The following FBXO31 variants were observed in gnomAD, a reference collection of about 807,000 sequenced individuals.
FBXO31 encodes the protein F-box protein 31.
A neutral mutation model predicts 54.4 loss-of-function variants in FBXO31; 24 were observed. That is an observed-to-expected ratio of 0.44 (90% CI 0.32 to 0.62). The LOEUF is 0.62. Ranked by LOEUF, FBXO31 falls within the 20% of genes least tolerant of loss-of-function variation. FBXO31 has a pLI of 0.05. For synonymous variants in FBXO31, 388 were observed against 335.6 expected, an observed-to-expected ratio of 1.16 and a Z score of -1.71; for missense variants, 665 against 787.1, an observed-to-expected ratio of 0.84 and a Z score of 1.86.
At chr16:87,374,664 C>T (rs531238914) in intron 1 of FBXO31, among the ~76,000 whole-genome samples, 63 of 152,292 alleles carry the variant, frequency 4.1e-4, no homozygotes, top group African/African-American at 1.5e-3. Context: ...TTACCATTCA[C>T]GGAGAAAACG....
intron 1 of FBXO31, among the ~76,000 whole-genome samples, chr16:87,363,684 G>T (rs1906235237): frequency 6.6e-6 from 1 of 152,186 alleles, no homozygotes; most frequent in African/African-American, 2.4e-5. Flanking sequence ...AGTGCTACGG[G>T]GAAATCAAAG....
At chr16:87,383,897 AC>A (rs898865962), upstream of FBXO31, 133 of 477,166 alleles carry the variant, frequency 2.8e-4, 1 homozygote, top group Admixed American at 3.8e-4. This position sits in a 1 kb window ranked among gnomAD's most constrained non-coding sequence, Gnocchi z 4.9. Flanking sequence ...CGGCCGCGCC[AC>A]CCCCTCCCCG....
chr16:87,371,160 TATCAAAC>T (rs1228823135), intron 1 of FBXO31, among the ~76,000 whole-genome samples: 2 of 152,216 alleles, frequency 1.3e-5, no homozygotes, highest in East Asian at 1.9e-4. Context: ...AGGCATCTCC[TATCAAAC>T]ATCAGAGTAT....
chr16:87,348,504 G>T (rs957433123), intron 2 of FBXO31, among the ~76,000 whole-genome samples: 1 of 152,194 alleles, frequency 6.6e-6, no homozygotes, highest in Non-Finnish European at 1.5e-5. Context: ...GAGGGTAGCA[G>T]CTGATCTGGG....
At chr16:87,384,663 G>T (rs1597383374), upstream of FBXO31, among the ~76,000 whole-genome samples, 2 of 152,244 alleles carry the variant, frequency 1.3e-5, no homozygotes, top group African/African-American at 4.8e-5. Flanking sequence ...TCTCTTGGAG[G>T]CCCAGGCGGG....
intron 1 of FBXO31, among the ~76,000 whole-genome samples, chr16:87,373,126 A>C (rs1906672691): frequency 6.7e-6 from 1 of 149,180 alleles, no homozygotes; most frequent in Non-Finnish European, 1.5e-5. Flanking sequence ...CAAAGTGCTG[A>C]GATAACAGAT....
intron 4 of FBXO31, 124 bp downstream of exon 4, chr16:87,343,474 T>C (rs915174069): frequency 1.7e-6 from 2 of 1,206,480 alleles, no homozygotes; most frequent in South Asian, 3.0e-5. Context: ...GGGCGGAGCC[T>C]CCCTCCCACC....
rs538287610 is a variant in FBXO31, at chr16:87,358,088, C to A, written c.412+2207G>T. ...AAAATTTTAAAGCTTCTACTCTGTT[C>A]GTTCCTCTCTGTGTCTGCAGTAGCT... On this transcript the variant is annotated intron_variant, in intron 2 of 8. Coordinates refer to ENST00000311635, the MANE Select transcript of FBXO31 (RefSeq NM_024735.5). The surrounding 1 kb of genome is among the most constrained non-coding windows in gnomAD (Gnocchi z 4.0). 3.3e-5 allele frequency among the ~76,000 whole-genome samples: 5 copies of A among 152,314 alleles called. No homozygotes were observed. In the East Asian group the frequency reaches 9.6e-4, roughly 29 times the overall value.
intron 5 of FBXO31, among the ~76,000 whole-genome samples, chr16:87,337,582 G>A (rs963326325): frequency 3.3e-5 from 5 of 152,198 alleles, no homozygotes; most frequent in African/African-American, 9.7e-5. Context: ...GGCCTCACAC[G>A]GGCACCAACA....
intron 2 of FBXO31, among the ~76,000 whole-genome samples, chr16:87,355,722 G>A (rs748555365): frequency 1.2e-4 from 19 of 152,166 alleles, no homozygotes; most frequent in Admixed American, 2.6e-4. Flanking sequence ...AGGAGGCTGC[G>A]CAGCCTGGAT....
At chr16:87,353,543 G>T (rs926408820) in intron 2 of FBXO31, among the ~76,000 whole-genome samples, 4 of 152,234 alleles carry the variant, frequency 2.6e-5, no homozygotes, top group African/African-American at 7.2e-5. Flanking sequence ...GACAGAGGGG[G>T]CCACGTGGGG....
In FBXO31 at chr16:87,335,546, G is replaced by T; in HGVS notation, c.843-89C>A. On this transcript the variant is annotated intron_variant, in intron 6 of 8. Transcript: ENST00000311635. The surrounding 1 kb of genome is among the most constrained non-coding windows in gnomAD (Gnocchi z 5.7). ...AGGTGCCAGGGATGAGCTTTGCAGG[G>T]CGGGGTAGGGCGGGCAGCTCAGCTC... 3 of 1,136,992 alleles carry T rather than the reference G, an allele frequency of 2.6e-6. No homozygotes were observed. The highest frequency in any genetic ancestry group is 1.6e-5 in the African/African-American group (1 of 64,442). The allele number at this position is 1,136,992 out of a possible 1,614,324, so 70.4% of individuals were successfully genotyped here.
intron 2 of FBXO31, among the ~76,000 whole-genome samples, chr16:87,352,588 G>A (rs2150680817): frequency 6.6e-6 from 1 of 152,318 alleles, no homozygotes; most frequent in African/African-American, 2.4e-5. Context: ...GACACGACAG[G>A]TGTGGGAAGA....
chr16:87,349,651 AGT>A (rs1905554956), intron 2 of FBXO31, among the ~76,000 whole-genome samples: 1 of 151,916 alleles, frequency 6.6e-6, no homozygotes, highest in Admixed American at 6.6e-5. Context: ...CGGAGGCTGC[AGT>A]GAGCCGAGAC....
intron 5 of FBXO31, among the ~76,000 whole-genome samples, chr16:87,340,118 G>C (rs745877942): frequency 1.3e-5 from 2 of 152,240 alleles, no homozygotes; most frequent in African/African-American, 4.8e-5. Context: ...ACCTGTCTCC[G>C]CTAAAAATAT....
chr16:87,355,095 C>T (rs1409204263), intron 2 of FBXO31, among the ~76,000 whole-genome samples: 5 of 152,190 alleles, frequency 3.3e-5, no homozygotes, highest in South Asian at 2.1e-4. Context: ...CAGTGGCTCA[C>T]GCCTGTAATC....
chr16:87,374,257 A>AG (rs1906727472), intron 1 of FBXO31, among the ~76,000 whole-genome samples: 1 of 152,100 alleles, frequency 6.6e-6, no homozygotes, highest in East Asian at 1.9e-4. Context: ...AAAAAAAAAA[A>AG]AAGAGAGGAA....
chr16:87,351,744 C>T (rs1393875010), intron 2 of FBXO31, among the ~76,000 whole-genome samples: 1 of 152,176 alleles, frequency 6.6e-6, no homozygotes, highest in Non-Finnish European at 1.5e-5. Flanking sequence ...TGGCGTACGC[C>T]TATAATCCCA....
chr16:87,346,957 C>A lies in FBXO31; in HGVS notation c.489+217G>T, dbSNP rs997226609. ...CCCCTCAGACCAGAGAGTCCAAGGA[C>A]GGGCCACAAGGCCGAAGTGTTGCTC... On this transcript the variant is annotated intron_variant, in intron 3 of 8. Transcript: ENST00000311635. This position sits in a 1 kb window ranked among gnomAD's most constrained non-coding sequence, Gnocchi z 4.2. Among the ~76,000 whole-genome samples the A allele has an allele frequency of 6.6e-6, 1 of 152,234 alleles. No individual in the cohort carries two copies. Among genetic ancestry groups the A allele is most frequent in the Non-Finnish European group, 1.5e-5 (1 of 68,040 alleles).
Sources: gnomAD v4.1 joint callset for allele counts (sites outside exome capture counted in the v4.1 genomes callset) on GRCh38, gnomAD v4.1.1 for gene constraint, Gnocchi (gnomAD v3.1) non-coding constraint, MANE v1.5 for transcripts, NCBI Gene and HGNC (gene_info 2026-07-23, HGNC 2026-07-21) for gene names.